PARD3B: variants seen among roughly 807,000 people sequenced by gnomAD.
The protein encoded by PARD3B is par-3 family cell polarity regulator beta.
A neutral mutation model predicts 130.2 loss-of-function variants in PARD3B; 103 were observed. The observed-to-expected ratio is 0.79, with a 90% confidence interval of 0.67 to 0.93. The LOEUF (loss-of-function observed/expected upper bound fraction) is 0.93. Ranked by LOEUF, PARD3B falls within the 40% of genes least tolerant of loss-of-function variation. PARD3B has a pLI of 0.00. For synonymous variants in PARD3B, 583 were observed against 553.2 expected (o/e 1.05, Z -0.76); for missense variants, 1,609 against 1,499.2 (o/e 1.07, Z -1.21).
Position 205,253,835 on chromosome 2 carries a change from C to T in PARD3B, c.2185+8013C>T, listed in dbSNP as rs2039958420. ...TGCATGATATGGGTGTGAGAAGCTTCAATTGAGAAAGCTGCTGAGAAAGTA... is the reference window on the plus strand; with the variant it reads ...TGCATGATATGGGTGTGAGAAGCTTTAATTGAGAAAGCTGCTGAGAAAGTA... On this transcript the variant is annotated intron_variant, in intron 16 of 22. Transcript: ENST00000406610. The surrounding 1 kb of genome is among the most constrained non-coding windows in gnomAD (Gnocchi z 4.4). Among the ~76,000 whole-genome samples the T allele has an allele frequency of 6.6e-6, 1 of 151,984 alleles. No individual in the cohort carries two copies. The highest frequency in any genetic ancestry group is 1.5e-5 in the Non-Finnish European group (1 of 67,992).
chr2:204,779,297 G>T (rs898746628), intron 2 of PARD3B, among the ~76,000 whole-genome samples: 3 of 152,022 alleles, frequency 2.0e-5, no homozygotes, highest in Admixed American at 6.6e-5. Flanking sequence ...TTTAAAAATT[G>T]CCAAGTCCTC....
chr2:205,066,056 G>A (rs1434156), intron 4 of PARD3B, among the ~76,000 whole-genome samples: 24,523 of 152,014 alleles, frequency 0.16, 2,502 homozygotes, highest in Non-Finnish European at 0.23. Flanking sequence ...GGACACAGAA[G>A]GAATAATTTA....
At chr2:204,773,944 G>T in intron 2 of PARD3B, among the ~76,000 whole-genome samples, 1 of 152,078 alleles carries the variant, frequency 6.6e-6, no homozygotes, top group South Asian at 2.1e-4. Flanking sequence ...TGTCGACCCT[G>T]CCTGTTCCTG....
chr2:205,187,266 C>G lies in PARD3B; in HGVS notation c.2024+1403C>G, dbSNP rs1406669322. Among the ~76,000 whole-genome samples, 2 of 152,184 alleles carry G rather than the reference C, an allele frequency of 1.3e-5. No individual in the cohort carries two copies. Among genetic ancestry groups the G allele is most frequent in the African/African-American group, 4.8e-5 (2 of 41,444 alleles). ...CGGGAGGGAAGAGCAGCAGAAGAAA[C>G]AGCATAGAGACGGGAGAGTAAATTG... On this transcript the variant is annotated intron_variant, in intron 14 of 22. Coordinates refer to ENST00000406610, the MANE Select transcript of PARD3B (RefSeq NM_001302769.2). This position sits in a 1 kb window ranked among gnomAD's most constrained non-coding sequence, Gnocchi z 4.9.
At chr2:205,154,038 A>T (rs1474740395) in intron 10 of PARD3B, among the ~76,000 whole-genome samples, 2 of 152,180 alleles carry the variant, frequency 1.3e-5, no homozygotes, top group African/African-American at 2.4e-5. Context: ...AAGCCAAAAT[A>T]GACAAATGAG....
intron 2 of PARD3B, among the ~76,000 whole-genome samples, chr2:204,707,036 T>C (rs879494812): frequency 6.6e-6 from 1 of 152,094 alleles, no homozygotes; most frequent in Non-Finnish European, 1.5e-5. Context: ...ATGAATGAAA[T>C]TGTTTAAGAT....
At chr2:204,608,882 T>C (rs1447583229) in intron 1 of PARD3B, among the ~76,000 whole-genome samples, 1 of 152,194 alleles carries the variant, frequency 6.6e-6, no homozygotes, top group Non-Finnish European at 1.5e-5. Context: ...GAGAGAACTG[T>C]GAAACCTGAT....
intron 18 of PARD3B, among the ~76,000 whole-genome samples, chr2:205,369,498 C>A (rs1218356708): frequency 6.6e-6 from 1 of 152,196 alleles, no homozygotes. Context: ...CTACGGGCGC[C>A]TTCGTGTTCT....
At chr2:204,747,879 A>G (rs1574881693) in intron 2 of PARD3B, among the ~76,000 whole-genome samples, 1 of 152,154 alleles carries the variant, frequency 6.6e-6, no homozygotes, top group African/African-American at 2.4e-5. Context: ...TGTTAATTTT[A>G]TCGCATTTAC....
At chr2:205,612,243 A>T (rs2055257720) in intron 22 of PARD3B, among the ~76,000 whole-genome samples, 1 of 152,004 alleles carries the variant, frequency 6.6e-6, no homozygotes, top group East Asian at 1.9e-4. Flanking sequence ...ACCTCTGCCT[A>T]CCAGGTTCAA....
rs1191590758 is a variant in PARD3B, at chr2:205,015,031, A to C, written c.395-32550A>C. ...AGTTAGGGTTACAGGGCCCACATACAGTTGAAAATCTGAGTATAACTTGCA... is the reference window on the plus strand; with the variant it reads ...AGTTAGGGTTACAGGGCCCACATACCGTTGAAAATCTGAGTATAACTTGCA... On this transcript the variant is annotated intron_variant, in intron 3 of 22. Coordinates refer to ENST00000406610, the MANE Select transcript of PARD3B (RefSeq NM_001302769.2). The surrounding 1 kb of genome is among the most constrained non-coding windows in gnomAD (Gnocchi z 4.5). 6.6e-6 allele frequency among the ~76,000 whole-genome samples: 1 copy of C among 152,194 alleles called. No homozygotes were observed. Among genetic ancestry groups the C allele is most frequent in the Non-Finnish European group, 1.5e-5 (1 of 68,042 alleles).
intron 19 of PARD3B, among the ~76,000 whole-genome samples, chr2:205,404,452 G>T (rs2046353783): frequency 6.6e-6 from 1 of 152,052 alleles, no homozygotes; most frequent in Non-Finnish European, 1.5e-5. Flanking sequence ...ATCCCCCATG[G>T]ATACCAAGTG....
At chr2:205,450,161 A>G (rs1192427894) in intron 20 of PARD3B, among the ~76,000 whole-genome samples, 1 of 152,176 alleles carries the variant, frequency 6.6e-6, no homozygotes, top group African/African-American at 2.4e-5. Context: ...ATTTAGGAAG[A>G]TTATTGGACT....
intron 3 of PARD3B, among the ~76,000 whole-genome samples, chr2:205,005,182 T>A (rs1217106537): frequency 6.6e-6 from 1 of 151,732 alleles, no homozygotes; most frequent in African/African-American, 2.4e-5. Flanking sequence ...CACACACACA[T>A]ATACACACAG....
chr2:205,276,406 T>C lies in PARD3B; in HGVS notation c.2186-24124T>C, dbSNP rs1327105074. Among the ~76,000 whole-genome samples, 1 of 152,334 alleles carries C rather than the reference T, an allele frequency of 6.6e-6. No individual in the cohort carries two copies. The highest frequency in any genetic ancestry group is 1.5e-5 in the Non-Finnish European group (1 of 68,036). The stretch of plus-strand genomic sequence containing the variant: ...TGTGGTATTTTCCTCCTTTCTTTTC[T>C]TATTTATCCTTAACAGAAGAAACAA... On this transcript the variant is annotated intron_variant, in intron 16 of 22. Coordinates refer to ENST00000406610, the MANE Select transcript of PARD3B (RefSeq NM_001302769.2). The surrounding 1 kb of genome is among the most constrained non-coding windows in gnomAD (Gnocchi z 5.0).
intron 10 of PARD3B, among the ~76,000 whole-genome samples, chr2:205,141,287 A>T (rs1456105539): frequency 1.3e-5 from 2 of 152,210 alleles, no homozygotes; most frequent in Non-Finnish European, 2.9e-5. Context: ...AAGAAAAAAT[A>T]AAAAAATAAA....
intron 4 of PARD3B, among the ~76,000 whole-genome samples, chr2:205,093,396 C>G (rs1291941602): frequency 3.9e-5 from 6 of 152,070 alleles, no homozygotes; most frequent in African/African-American, 1.4e-4. Flanking sequence ...GTAAAGAAAT[C>G]TTCACCTACC....
intron 2 of PARD3B, among the ~76,000 whole-genome samples, chr2:204,917,721 C>A (rs778543348): frequency 6.6e-6 from 1 of 152,096 alleles, no homozygotes; most frequent in Non-Finnish European, 1.5e-5. Context: ...GTGTAGCCAA[C>A]GACAAGTATT....
intron 14 of PARD3B, 27 bp downstream of exon 14, chr2:205,185,890 T>C: frequency 6.4e-7 from 1 of 1,562,522 alleles, no homozygotes; most frequent in Non-Finnish European, 8.8e-7. Flanking sequence ...GTATCGTAAA[T>C]GCTCCTTGTT....
Sources: allele counts gnomAD v4.1 joint callset (sites outside exome capture counted in the v4.1 genomes callset), GRCh38; gene constraint gnomAD v4.1.1; non-coding constraint Gnocchi (gnomAD v3.1); transcripts MANE v1.5; gene names NCBI Gene and HGNC (gene_info 2026-07-23, HGNC 2026-07-21).